Variants in SKAP2 observed in about 807,000 individuals in gnomAD.
SKAP2 encodes src kinase associated phosphoprotein 2, also known as src kinase-associated phosphoprotein 2.
In SKAP2, 28 loss-of-function variants were observed where a neutral mutation model predicts 54.9. That is an observed-to-expected ratio of 0.51 (90% CI 0.38 to 0.70). SKAP2 has a LOEUF of 0.70. Among genes scored for constraint, SKAP2 ranks in the 30% least tolerant of loss-of-function variants. SKAP2 has a pLI of 0.00. For synonymous variants in SKAP2, 137 were observed against 134.3 expected, an observed-to-expected ratio of 1.02 and a Z score of -0.14; for missense variants, 356 against 424.1, an observed-to-expected ratio of 0.84 and a Z score of 1.41.
At chr7:26,707,718 A>C (rs2299103) in intron 9 of SKAP2, among the ~76,000 whole-genome samples, 2,110 of 152,234 alleles carry the variant, frequency 0.014, 82 homozygotes, top group East Asian at 0.11. Flanking sequence ...AGAAGCACAG[A>C]GATACAAATG....
chr7:26,716,509 T>C (rs1787442522), intron 9 of SKAP2, among the ~76,000 whole-genome samples: 1 of 152,200 alleles, frequency 6.6e-6, no homozygotes, highest in African/African-American at 2.4e-5. Flanking sequence ...TTCAGGTGTA[T>C]CTCCAAGAAG....
intron 9 of SKAP2, among the ~76,000 whole-genome samples, chr7:26,708,258 T>G (rs969552144): frequency 6.6e-6 from 1 of 152,208 alleles, no homozygotes; most frequent in East Asian, 1.9e-4. Context: ...GGTGAAGGAT[T>G]GATCCCACGT....
chr7:26,708,303 T>C (rs535608510), intron 9 of SKAP2, among the ~76,000 whole-genome samples: 39 of 152,346 alleles, frequency 2.6e-4, no homozygotes, highest in Middle Eastern at 3.4e-3. Flanking sequence ...ATCTGGTTTT[T>C]AATGTCTTGA....
intron 4 of SKAP2, among the ~76,000 whole-genome samples, chr7:26,755,024 T>A (rs759627233): frequency 4.6e-5 from 7 of 152,210 alleles, no homozygotes; most frequent in Admixed American, 1.3e-4. Context: ...AGATATCCTA[T>A]TACATGTTTC....
At chr7:26,801,583 A>G (rs1783916700) in intron 4 of SKAP2, among the ~76,000 whole-genome samples, 2 of 152,206 alleles carry the variant, frequency 1.3e-5, no homozygotes, top group South Asian at 4.1e-4. Context: ...GTTTGCCAAT[A>G]ATATGATCTT....
At chr7:26,678,526 T>C (rs1480268397) in intron 11 of SKAP2, among the ~76,000 whole-genome samples, 1 of 150,508 alleles carries the variant, frequency 6.6e-6, no homozygotes, top group Non-Finnish European at 1.5e-5. Flanking sequence ...CTGCAACCTC[T>C]ACTTCCCGGG....
At chr7:26,831,675 T>G (rs890584367) in intron 4 of SKAP2, among the ~76,000 whole-genome samples, 4 of 152,180 alleles carry the variant, frequency 2.6e-5, no homozygotes, top group Admixed American at 1.3e-4. Context: ...TTATTATCCT[T>G]AATTTGACAG....
chr7:26,742,666 CT>C (rs1782478122), intron 4 of SKAP2, among the ~76,000 whole-genome samples: 1 of 151,920 alleles, frequency 6.6e-6, no homozygotes, highest in Admixed American at 6.6e-5. Flanking sequence ...TTTCATTTTT[CT>C]AAACCTTTAT....
chr7:26,739,336 T>C (rs2127961273), intron 5 of SKAP2, among the ~76,000 whole-genome samples: 1 of 152,354 alleles, frequency 6.6e-6, no homozygotes, highest in South Asian at 2.1e-4. Flanking sequence ...AGAATGGTAA[T>C]GAAAAGACTG....
At chr7:26,658,030 T>C in the SKAP2 span, among the ~76,000 whole-genome samples, 2 of 152,152 alleles carry the variant, frequency 1.3e-5, no homozygotes, top group Non-Finnish European at 2.9e-5. Context: ...AACGGGTAAT[T>C]GTGCTACTGA....
intron 4 of SKAP2, among the ~76,000 whole-genome samples, chr7:26,834,805 A>G (rs1784672206): frequency 1.3e-5 from 2 of 152,226 alleles, no homozygotes; most frequent in South Asian, 2.1e-4. Context: ...AAACTATTCC[A>G]AACAACAGAA....
chr7:26,728,995 A>T (rs1036539227), intron 6 of SKAP2, among the ~76,000 whole-genome samples: 1 of 152,162 alleles, frequency 6.6e-6, no homozygotes, highest in Non-Finnish European at 1.5e-5. Flanking sequence ...GTGGGAGTCT[A>T]CACCTGGAGA....
chr7:26,792,382 A>C (rs1442222453), intron 4 of SKAP2, among the ~76,000 whole-genome samples: 1 of 152,220 alleles, frequency 6.6e-6, no homozygotes, highest in Non-Finnish European at 1.5e-5. Context: ...TAAAAACAAA[A>C]AGGACAGTGA....
At chr7:26,736,888 C>T (rs1324896195) in intron 6 of SKAP2, among the ~76,000 whole-genome samples, 3 of 151,652 alleles carry the variant, frequency 2.0e-5, no homozygotes, top group African/African-American at 7.3e-5. Context: ...GAGTGAGGCC[C>T]CCGCATCTCT....
chr7:26,690,889 AT>A (rs1441646772), intron 9 of SKAP2, among the ~76,000 whole-genome samples: 2 of 152,136 alleles, frequency 1.3e-5, no homozygotes, highest in African/African-American at 4.8e-5. Flanking sequence ...CCTATAAATC[AT>A]TTTTTTGAGT....
intron 1 of SKAP2, among the ~76,000 whole-genome samples, chr7:26,856,992 C>T (rs993218765): frequency 2.0e-5 from 3 of 148,940 alleles, no homozygotes; most frequent in African/African-American, 7.4e-5. Context: ...AAAAAGGCTG[C>T]AATAAACACT....
intron 9 of SKAP2, among the ~76,000 whole-genome samples, chr7:26,704,483 G>A (rs1016391456): frequency 5.3e-5 from 8 of 152,154 alleles, no homozygotes; most frequent in South Asian, 2.1e-4. Flanking sequence ...AGCACTTTTC[G>A]TAATACGAAA....
At chr7:26,698,586 C>T (rs1317418517) in intron 9 of SKAP2, among the ~76,000 whole-genome samples, 2 of 152,194 alleles carry the variant, frequency 1.3e-5, no homozygotes, top group Non-Finnish European at 2.9e-5. Context: ...GAGTACGTAA[C>T]TTTAATATTC....
At chr7:26,783,097 T>C (rs1210744213) in intron 4 of SKAP2, among the ~76,000 whole-genome samples, 1 of 152,142 alleles carries the variant, frequency 6.6e-6, no homozygotes, top group African/African-American at 2.4e-5. Context: ...CACTCGCATG[T>C]CCCCAAAGCA....
Sources: gnomAD v4.1 joint callset for allele counts (sites outside exome capture counted in the v4.1 genomes callset) on GRCh38, gnomAD v4.1.1 for gene constraint, MANE v1.5 for transcripts, NCBI Gene and HGNC (gene_info 2026-07-23, HGNC 2026-07-21) for gene names.